CDH13: variants seen among roughly 807,000 people sequenced by gnomAD.
CDH13 encodes the protein cadherin 13, also known as cadherin-13.
A neutral mutation model predicts 63.8 loss-of-function variants in CDH13; 24 were observed. The ratio of observed to expected loss-of-function variants is 0.38; its 90% confidence interval spans 0.27 to 0.53. The LOEUF is 0.53. Among genes scored for constraint, CDH13 ranks in the 20% least tolerant of loss-of-function variants. CDH13 has a pLI of 0.85. For synonymous variants in CDH13, 503 were observed against 355.3 expected (o/e 1.42, Z -4.67); for missense variants, 1,049 against 903.1 (o/e 1.16, Z -2.07).
intron 4 of CDH13, among the ~76,000 whole-genome samples, chr16:83,159,208 CCATT>C (rs1305805346): frequency 1.3e-5 from 2 of 152,062 alleles, no homozygotes; most frequent in Admixed American, 6.5e-5. Context: ...AAAAAAAAGA[CCATT>C]CATCAGTCTG....
chr16:83,734,997 A>G (rs969951359), intron 10 of CDH13, among the ~76,000 whole-genome samples: 2 of 61,688 alleles, frequency 3.2e-5, no homozygotes, highest in Non-Finnish European at 7.9e-5. Context: ...TTCTGTGGTT[A>G]TTCAAAAAAA....
chr16:83,173,748 G>A (rs1159934392), intron 4 of CDH13, among the ~76,000 whole-genome samples: 1 of 151,940 alleles, frequency 6.6e-6, no homozygotes, highest in Non-Finnish European at 1.5e-5. Context: ...CAATCTTCTG[G>A]GCCTCTTTCT....
At chr16:83,108,489 T>C (rs189930333) in intron 3 of CDH13, among the ~76,000 whole-genome samples, 36 of 152,272 alleles carry the variant, frequency 2.4e-4, no homozygotes, top group African/African-American at 7.9e-4. Flanking sequence ...GCCTCATAGA[T>C]TGAATCCCAG....
chr16:82,898,002 G>A (rs1287054964), intron 2 of CDH13, among the ~76,000 whole-genome samples: 2 of 152,190 alleles, frequency 1.3e-5, no homozygotes, highest in African/African-American at 4.8e-5. Context: ...GAGCTATTGA[G>A]CACTTGAAAT....
chr16:82,897,950 T>C (rs1319267303), intron 2 of CDH13, among the ~76,000 whole-genome samples: 1 of 152,260 alleles, frequency 6.6e-6, no homozygotes, highest in African/African-American at 2.4e-5. Context: ...TTTATGCCTC[T>C]GATGCTTATC....
chr16:83,699,373 T>C (rs1905868293), intron 10 of CDH13, among the ~76,000 whole-genome samples: 2 of 152,352 alleles, frequency 1.3e-5, no homozygotes, highest in South Asian at 4.1e-4. Flanking sequence ...TGCCTGCCTT[T>C]GAGAACTAAA....
At chr16:83,223,304 A>G (rs1320386506) in intron 5 of CDH13, among the ~76,000 whole-genome samples, 1 of 152,190 alleles carries the variant, frequency 6.6e-6, no homozygotes, top group East Asian at 1.9e-4. Context: ...GAATTCTCAT[A>G]TGGCAGAAAG....
At chr16:83,674,569 A>G (rs368069843) in intron 9 of CDH13, among the ~76,000 whole-genome samples, 1 of 152,268 alleles carries the variant, frequency 6.6e-6, no homozygotes, top group South Asian at 2.1e-4. Context: ...TTTACAGTGC[A>G]TAAGGCAGAG....
intron 5 of CDH13, among the ~76,000 whole-genome samples, chr16:83,258,681 C>G (rs1906583272): frequency 6.6e-6 from 1 of 152,204 alleles, no homozygotes; most frequent in African/African-American, 2.4e-5. Context: ...AGAAGAGAAT[C>G]TGCCATTCAG....
chr16:83,346,352 C>A (rs191556643), intron 6 of CDH13, among the ~76,000 whole-genome samples: 1 of 152,128 alleles, frequency 6.6e-6, no homozygotes, highest in African/African-American at 2.4e-5. Context: ...CCTAGAATTT[C>A]GGTTTGATGT....
chr16:82,787,196 CCTGAGAACAGATGCT>C (rs1251971345), intron 1 of CDH13, among the ~76,000 whole-genome samples: 7 of 152,122 alleles, frequency 4.6e-5, no homozygotes, highest in African/African-American at 1.7e-4. Context: ...GTGGAATTCT[CCTGAGAACAGATGCT>C]CTAAACTTTT....
At chr16:83,191,684 C>A (rs868627432) in intron 4 of CDH13, among the ~76,000 whole-genome samples, 1 of 151,464 alleles carries the variant, frequency 6.6e-6, no homozygotes, top group Non-Finnish European at 1.5e-5. Flanking sequence ...AGCTGAAGAA[C>A]TTGGAGTTTG....
intron 5 of CDH13, among the ~76,000 whole-genome samples, chr16:83,280,664 C>T (rs1049043033): frequency 2.7e-5 from 4 of 146,546 alleles, no homozygotes; most frequent in Non-Finnish European, 4.5e-5. Context: ...TCAAAGAAAT[C>T]ATATGCCAGC....
intron 1 of CDH13, among the ~76,000 whole-genome samples, chr16:82,706,140 C>G (rs1048980079): frequency 6.6e-6 from 1 of 152,052 alleles, no homozygotes; most frequent in South Asian, 2.1e-4. Context: ...TCTTCTTTCC[C>G]TTTCTTTCCG....
At chr16:83,447,719 A>T (rs1021939549) in intron 6 of CDH13, among the ~76,000 whole-genome samples, 6 of 150,058 alleles carry the variant, frequency 4.0e-5, no homozygotes, top group African/African-American at 1.2e-4. Context: ...AGAGATAATC[A>T]TTTTTTTAAA....
At chr16:83,708,396 G>C (rs1364190804) in intron 10 of CDH13, among the ~76,000 whole-genome samples, 3 of 151,860 alleles carry the variant, frequency 2.0e-5, no homozygotes, top group African/African-American at 7.3e-5. Context: ...TCTGGAAGTG[G>C]GGTTAAGCCA....
At chr16:83,683,193 G>C (rs1221064349) in intron 10 of CDH13, among the ~76,000 whole-genome samples, 1 of 152,230 alleles carries the variant, frequency 6.6e-6, no homozygotes, top group Non-Finnish European at 1.5e-5. Flanking sequence ...ATTAAGACTT[G>C]TTAAAAAGCC....
chr16:83,740,568 G>T (rs567332380), intron 10 of CDH13, among the ~76,000 whole-genome samples: 1 of 152,136 alleles, frequency 6.6e-6, no homozygotes, highest in Admixed American at 6.5e-5. Context: ...GCAAAGTTTT[G>T]GTCCATGTGC....
In CDH13 at chr16:82,960,899, AC is replaced by A. The variant is rs1440979676; in HGVS notation, c.158-71110del. Among the ~76,000 whole-genome samples, 3 of 152,268 alleles carry A rather than the reference AC, an allele frequency of 2.0e-5. No homozygotes were observed. The East Asian group carries it at 5.8e-4, about 29-fold the overall frequency. On this transcript the variant is annotated intron_variant, in intron 2 of 13. Transcript: ENST00000567109. ...GAATGCCATACAAATCTTTTTTAGT[AC>A]ACGTTTCTGTTTTATACTGTGATTT...
Sources: allele counts gnomAD v4.1 joint callset (sites outside exome capture counted in the v4.1 genomes callset), GRCh38; gene constraint gnomAD v4.1.1; transcripts MANE v1.5; gene names NCBI Gene and HGNC (gene_info 2026-07-23, HGNC 2026-07-21).